The following ZFAND3 variants were observed in gnomAD, a reference collection of about 807,000 sequenced individuals.
ZFAND3 encodes the protein zinc finger AN1-type containing 3, also known as AN1-type zinc finger protein 3.
Under a neutral mutation model 29.6 loss-of-function variants are expected in ZFAND3, and 10 were observed. The observed-to-expected ratio is 0.34, with a 90% CI of 0.21 to 0.57. ZFAND3 has a LOEUF of 0.57. Among genes scored for constraint, ZFAND3 ranks in the 20% least tolerant of loss-of-function variants. ZFAND3 has a pLI of 0.86. For synonymous variants in ZFAND3, 128 were observed against 112.6 expected (o/e 1.14, Z -0.87); for missense variants, 230 against 304.5 (o/e 0.76, Z 1.82).
intron 1 of ZFAND3, among the ~76,000 whole-genome samples, chr6:37,896,588 CTCTT>C (rs1765221517): frequency 1.2e-4 from 14 of 113,040 alleles, no homozygotes; most frequent in South Asian, 2.7e-4. Flanking sequence ...CTCTCTCTTT[CTCTT>C]TTTCTTTCTC....
intron 1 of ZFAND3, among the ~76,000 whole-genome samples, chr6:37,820,313 A>T (rs1275634726): frequency 1.2e-4 from 19 of 152,140 alleles, no homozygotes; most frequent in Admixed American, 9.2e-4. Flanking sequence ...GCGGGGAGGG[A>T]TGAGGGGGCG....
chr6:38,013,028 G>A (rs1314937881), intron 2 of ZFAND3, among the ~76,000 whole-genome samples: 1 of 152,196 alleles, frequency 6.6e-6, no homozygotes, highest in Non-Finnish European at 1.5e-5. Flanking sequence ...TTATACTTGA[G>A]TGTATTTTCT....
chr6:37,943,425 A>G (rs1761846581), intron 2 of ZFAND3, among the ~76,000 whole-genome samples: 1 of 152,198 alleles, frequency 6.6e-6, no homozygotes, highest in African/African-American at 2.4e-5. Context: ...AAAATGTTTG[A>G]TATCTGTAGA....
At chr6:37,826,668 G>A (rs751390581) in intron 1 of ZFAND3, among the ~76,000 whole-genome samples, 2 of 151,674 alleles carry the variant, frequency 1.3e-5, no homozygotes, top group South Asian at 2.1e-4. Flanking sequence ...CAGTAGATTC[G>A]CTTGAATCCA....
In ZFAND3 at chr6:38,152,462, C is replaced by T; in HGVS notation, c.*73C>T. The T allele has an allele frequency of 6.8e-7, 1 of 1,472,674 alleles. No individual in the cohort carries two copies. The allele number at this position is 1,472,674 out of a possible 1,614,324, so 91.2% of individuals were successfully genotyped here. On this transcript the variant is annotated 3_prime_UTR_variant, in exon 6 of 6. Transcript: ENST00000287218. ...TAGCCTTATTTAGGACAAAGTCAGC[C>T]AGACACCTTGTACTGGGCACGCGTC...
chr6:38,006,927 C>T (rs1334252687), intron 2 of ZFAND3, among the ~76,000 whole-genome samples: 1 of 152,080 alleles, frequency 6.6e-6, no homozygotes, highest in African/African-American at 2.4e-5. Flanking sequence ...TCCAAGTGCT[C>T]CTGCAGTCAT....
intron 2 of ZFAND3, among the ~76,000 whole-genome samples, chr6:38,015,374 G>A (rs999316145): frequency 1.3e-5 from 2 of 152,216 alleles, no homozygotes; most frequent in African/African-American, 4.8e-5. Flanking sequence ...GTGGGTGTAA[G>A]AATTGAATAC....
chr6:38,085,130 T>C (rs1420562270), intron 4 of ZFAND3, among the ~76,000 whole-genome samples: 2 of 152,236 alleles, frequency 1.3e-5, no homozygotes, highest in Non-Finnish European at 2.9e-5. Flanking sequence ...GTTATTGTTA[T>C]TTTGCTGGAA....
intron 3 of ZFAND3, among the ~76,000 whole-genome samples, chr6:38,067,147 G>A (rs554045841): frequency 2.0e-5 from 3 of 152,180 alleles, no homozygotes; most frequent in East Asian, 1.9e-4. Context: ...CAGGGGATTC[G>A]GCGCATACTC....
intron 2 of ZFAND3, among the ~76,000 whole-genome samples, chr6:37,937,833 C>T (rs981275271): frequency 6.6e-6 from 1 of 152,142 alleles, no homozygotes; most frequent in African/African-American, 2.4e-5. Context: ...ACATTTTGGT[C>T]ATGTGTTTGT....
chr6:37,851,152 C>CTT (rs112090301), intron 1 of ZFAND3, among the ~76,000 whole-genome samples: 109 of 139,268 alleles, frequency 7.8e-4, no homozygotes, highest in African/African-American at 2.7e-3. Context: ...TTATCGTTTT[C>CTT]TTTTTTTTTT....
intron 1 of ZFAND3, among the ~76,000 whole-genome samples, chr6:37,859,492 A>G (rs1764441644): frequency 6.6e-6 from 1 of 152,210 alleles, no homozygotes; most frequent in Non-Finnish European, 1.5e-5. Flanking sequence ...TTTAAATAGT[A>G]TATTGTATGT....
At chr6:37,834,119 T>C (rs1342776174) in intron 1 of ZFAND3, among the ~76,000 whole-genome samples, 2 of 152,212 alleles carry the variant, frequency 1.3e-5, no homozygotes, top group African/African-American at 2.4e-5. Context: ...TAATGTCATA[T>C]AGAACATTTC....
chr6:37,919,304 AT>A (rs1264832606), intron 1 of ZFAND3, among the ~76,000 whole-genome samples: 1 of 152,182 alleles, frequency 6.6e-6, no homozygotes, highest in Non-Finnish European at 1.5e-5. Context: ...GCACATGCAT[AT>A]TTAAAGGTCA....
At position 37,957,205 on chromosome 6, in the gene ZFAND3, C is replaced by T. The variant is rs184624372; in HGVS notation, c.112+27206C>T. ...TTTCTTCCTCTCTTTTCAGGAATAA[C>T]GCAAATTATCTTTTTCTAGAAGAAC... On this transcript the variant is annotated intron_variant, in intron 2 of 5. Coordinates refer to ENST00000287218, the MANE Select transcript of ZFAND3 (RefSeq NM_021943.3). 4.6e-5 allele frequency among the ~76,000 whole-genome samples: 7 copies of T among 152,238 alleles called. No homozygotes were observed. In the South Asian group the frequency reaches 8.3e-4, roughly 18 times the overall value.
intron 4 of ZFAND3, among the ~76,000 whole-genome samples, chr6:38,109,436 C>T (rs911783095): frequency 6.6e-5 from 10 of 152,096 alleles, no homozygotes; most frequent in African/African-American, 1.2e-4. Flanking sequence ...CCCGCCTCAG[C>T]GTCCCAAAGT....
intron 1 of ZFAND3, among the ~76,000 whole-genome samples, chr6:37,823,782 A>T (rs1349267753): frequency 6.7e-6 from 1 of 149,296 alleles, no homozygotes; most frequent in African/African-American, 2.5e-5. Context: ...TTATATATGT[A>T]TTTTTTTGTA....
At position 37,857,815 on chromosome 6, in the gene ZFAND3, G is replaced by A. The variant is rs545709279; in HGVS notation, c.71+37799G>A. ...TGAATGCCAGATGACCAGGTCCAGT[G>A]TGTGTGAGGGTGTGGTGAGTGAACT... On this transcript the variant is annotated intron_variant, in intron 1 of 5. Coordinates refer to ENST00000287218, the MANE Select transcript of ZFAND3 (RefSeq NM_021943.3). Among the ~76,000 whole-genome samples, 3 of 152,336 alleles carry A rather than the reference G, an allele frequency of 2.0e-5. No individual in the cohort carries two copies. In the South Asian group the frequency reaches 6.2e-4, roughly 32 times the overall value.
chr6:37,923,639 A>ATG (rs1364376804), intron 1 of ZFAND3, among the ~76,000 whole-genome samples: 1 of 152,224 alleles, frequency 6.6e-6, no homozygotes, highest in East Asian at 1.9e-4. Flanking sequence ...ACATAACTGT[A>ATG]TGTGCTAGAC....
Sources: allele counts gnomAD v4.1 joint callset (sites outside exome capture counted in the v4.1 genomes callset), GRCh38; gene constraint gnomAD v4.1.1; transcripts MANE v1.5; gene names NCBI Gene and HGNC (gene_info 2026-07-23, HGNC 2026-07-21).